Variants in ADAM29 observed in about 807,000 individuals in gnomAD.
ADAM29 encodes disintegrin and metalloproteinase domain-containing protein 29.
For synonymous variants in ADAM29, 367 were observed against 342.3 expected, an observed-to-expected ratio of 1.07 and a Z score of -0.80; for missense variants, 969 against 1,001.8, an observed-to-expected ratio of 0.97 and a Z score of 0.44.
intron 2 of ADAM29, among the ~76,000 whole-genome samples, chr4:174,928,380 C>A (rs528034007): frequency 6.6e-6 from 1 of 151,776 alleles, no homozygotes; most frequent in Non-Finnish European, 1.5e-5. Context: ...ACAGACATGT[C>A]AACCGCATCC....
At chr4:174,952,305 T>A (rs1377005869) in intron 4 of ADAM29, among the ~76,000 whole-genome samples, 1 of 151,638 alleles carries the variant, frequency 6.6e-6, no homozygotes, top group Non-Finnish European at 1.5e-5. Context: ...GTCACACATG[T>A]CTCTCCCCTC....
intron 4 of ADAM29, among the ~76,000 whole-genome samples, chr4:174,959,149 A>G (rs1745669459): frequency 6.6e-6 from 1 of 151,804 alleles, no homozygotes; most frequent in Non-Finnish European, 1.5e-5. Flanking sequence ...CATTTCCTGT[A>G]TGACAGTTCT....
intron 4 of ADAM29, among the ~76,000 whole-genome samples, chr4:174,947,930 C>T (rs1371944146): frequency 6.6e-6 from 1 of 152,178 alleles, no homozygotes; most frequent in African/African-American, 2.4e-5. Context: ...TCTTTGAACT[C>T]TGGGATTCTT....
At chr4:174,974,267 T>C (rs1215188770) in intron 4 of ADAM29, among the ~76,000 whole-genome samples, 1 of 152,228 alleles carries the variant, frequency 6.6e-6, no homozygotes, top group Non-Finnish European at 1.5e-5. Context: ...AAAGCTTTTC[T>C]TTAGCTATTA....
At position 174,976,515 on chromosome 4, in the gene ADAM29, G is replaced by A. The variant is rs567196292; in HGVS notation, c.990G>A (p.Val330=). ...NKTLGTFSIA[V]AHHLGHNLGM... ...CTTTGGGCACTTTTTCAATTGCAGT[G>A]GCTCATCATCTAGGTCATAATTTGG... Residue 330 remains valine (V), a synonymous_variant, in exon 5 of 5, where the codon GTG becomes GTA. Transcript: ENST00000359240. The A allele has an allele frequency of 3.7e-6, 6 of 1,610,816 alleles. No homozygotes were observed. In the South Asian group the frequency reaches 5.5e-5, roughly 15 times the overall value.
intron 4 of ADAM29, among the ~76,000 whole-genome samples, chr4:174,961,949 A>AT (rs1040867095): frequency 1.3e-5 from 2 of 151,988 alleles, no homozygotes; most frequent in Non-Finnish European, 2.9e-5. Flanking sequence ...AGTGTTCTGT[A>AT]TTTTTTCTTT....
At position 174,925,966 on chromosome 4, in the gene ADAM29, A is replaced by T. The variant is rs762073840; in HGVS notation, c.-450-5020A>T. 1.0e-3 allele frequency among the ~76,000 whole-genome samples: 153 copies of T among 152,320 alleles called. 1 individual carries two copies. Among genetic ancestry groups the T allele is most frequent in the Non-Finnish European group, 1.5e-3 (105 of 68,024 alleles). ...ACACTGCTTCAGACACACTCTAATG[A>T]AAGTCAGCTTTCTTTCAAATCATTT... is the stretch of plus-strand genomic sequence containing the variant. On this transcript the variant is annotated intron_variant, in intron 2 of 4. Transcript: ENST00000359240.
At chr4:174,954,023 T>C (rs898121525) in intron 4 of ADAM29, among the ~76,000 whole-genome samples, 1 of 152,170 alleles carries the variant, frequency 6.6e-6, no homozygotes, top group Non-Finnish European at 1.5e-5. Context: ...CCATCTTTAT[T>C]ATATCATGTC....
At chr4:174,922,976 C>T (rs1229917579) in intron 2 of ADAM29, among the ~76,000 whole-genome samples, 4 of 152,018 alleles carry the variant, frequency 2.6e-5, no homozygotes, top group African/African-American at 9.7e-5. Flanking sequence ...AAACCAAAAC[C>T]AAGGAAACAC....
chr4:174,947,109 A>T (rs981316313), intron 4 of ADAM29, among the ~76,000 whole-genome samples: 5 of 151,506 alleles, frequency 3.3e-5, no homozygotes, highest in Admixed American at 2.0e-4. Context: ...ATCATTTCTC[A>T]TTGGGCTTAT....
chr4:174,931,020 G>A lies in ADAM29; in HGVS notation c.-416G>A, dbSNP rs556451802. On this transcript the variant is annotated 5_prime_UTR_variant, in exon 3 of 5. Transcript: ENST00000359240. ...CAAAACATTCTCCCTGCAGTCTCACGAACTGTGAACAAAAACTGAAGTGAA... is the reference window on the plus strand; with the variant it reads ...CAAAACATTCTCCCTGCAGTCTCACAAACTGTGAACAAAAACTGAAGTGAA... The A allele has an allele frequency of 9.2e-5, 14 of 151,954 alleles. No individual in the cohort carries two copies. Among genetic ancestry groups the A allele is most frequent in the Non-Finnish European group, 1.6e-4 (11 of 67,990 alleles). The allele number at this position is 151,954 out of a possible 1,614,324, so 9.4% of individuals were successfully genotyped here. A position where few individuals can be genotyped will look rare whatever the true frequency, so the allele number is the denominator to read the frequency against.
At chr4:174,958,750 A>G (rs62332296) in intron 4 of ADAM29, among the ~76,000 whole-genome samples, 63,170 of 151,270 alleles carry the variant, frequency 0.42, 13,701 homozygotes, top group African/African-American at 0.53. Flanking sequence ...ATTATTTTAT[A>G]TTATTCCATT....
chr4:174,928,742 C>T (rs1467986714), intron 2 of ADAM29, among the ~76,000 whole-genome samples: 2 of 151,920 alleles, frequency 1.3e-5, no homozygotes, highest in African/African-American at 4.8e-5. Context: ...AAACATGATT[C>T]GGCCATCTGT....
At chr4:174,960,650 G>A (rs1745760373) in intron 4 of ADAM29, among the ~76,000 whole-genome samples, 1 of 151,968 alleles carries the variant, frequency 6.6e-6, no homozygotes, top group African/African-American at 2.4e-5. Context: ...AAATTTCCAC[G>A]CTTGCTGTTT....
At chr4:174,931,991 A>T (rs558777696) in intron 3 of ADAM29, among the ~76,000 whole-genome samples, 1 of 152,174 alleles carries the variant, frequency 6.6e-6, no homozygotes, top group Non-Finnish European at 1.5e-5. Flanking sequence ...ATTTTTATTG[A>T]AATGACAATA....
At chr4:174,931,922 T>C (rs1743905520) in intron 3 of ADAM29, among the ~76,000 whole-genome samples, 1 of 152,196 alleles carries the variant, frequency 6.6e-6, no homozygotes, top group Admixed American at 6.5e-5. Flanking sequence ...TTTTCTCATT[T>C]GTATTTTATT....
At position 174,975,946 on chromosome 4, in the gene ADAM29, T is replaced by A. The variant is rs1746755369; in HGVS notation, c.421T>A (p.Phe141Ile). The part of the protein sequence containing the change: ...DFAYEIKPLA[F>I]STTFEHLVYK... The stretch of plus-strand genomic sequence containing the variant: ...TGCTTATGAAATCAAGCCCCTAGCA[T>A]TTTCTACCACGTTTGAACATCTGGT... Residue 141 changes from phenylalanine (F) to isoleucine (I), a missense_variant, in exon 5 of 5, where the codon TTT becomes ATT. Physicochemically the swap from Phe to Ile is conservative, Grantham distance 21. Coordinates refer to ENST00000359240, the MANE Select transcript of ADAM29 (RefSeq NM_014269.4). 6.2e-7 allele frequency: 1 copy of A among 1,614,006 alleles called. No homozygotes were observed. The highest frequency in any genetic ancestry group is 1.3e-5 in the African/African-American group (1 of 74,936).
intron 4 of ADAM29, among the ~76,000 whole-genome samples, chr4:174,974,803 A>T (rs1483523837): frequency 1.3e-5 from 2 of 152,228 alleles, no homozygotes; most frequent in Non-Finnish European, 2.9e-5. Context: ...GTTAGCGAAG[A>T]AACAGAAAAT....
intron 4 of ADAM29, among the ~76,000 whole-genome samples, chr4:174,973,600 T>C (rs964916690): frequency 5.9e-5 from 9 of 152,248 alleles, no homozygotes; most frequent in African/African-American, 1.7e-4. Flanking sequence ...TTTTAGAAGA[T>C]AGTTGCCTTT....
Sources: gnomAD v4.1 joint callset for allele counts (sites outside exome capture counted in the v4.1 genomes callset) on GRCh38, gnomAD v4.1.1 for gene constraint, MANE v1.5 for transcripts, NCBI Gene and HGNC (gene_info 2026-07-23, HGNC 2026-07-21) for gene names.